The following MYH11 variants were observed in gnomAD, a reference collection of about 807,000 sequenced individuals.
MYH11 encodes myosin heavy chain 11.
Under a neutral mutation model 246.6 loss-of-function variants are expected in MYH11, and 80 were observed. That is an observed-to-expected ratio of 0.32 (90% CI 0.27 to 0.39). The LOEUF is 0.39. MYH11 is among the 10% of genes least tolerant of loss of function. The pLI, the probability that MYH11 is intolerant of heterozygous loss-of-function variation, is 1.00. For missense variants in MYH11, 2,158 were observed against 2,546.8 expected (o/e 0.85, Z 3.29); for synonymous variants, 1,071 against 1,015.5 (o/e 1.05, Z -1.04).
Position 15,724,565 on chromosome 16 carries a change from C to T in MYH11, c.4116+82G>A. The stretch of plus-strand genomic sequence containing the variant: ...GGTCAAGCACCATCGCACCAACACT[C>T]CACCGCGATCTGCCTGCGGGGGATC... On this transcript the variant is annotated intron_variant, in intron 30 of 40. Transcript: ENST00000300036. The T allele has an allele frequency of 2.5e-6, 4 of 1,609,688 alleles. No homozygotes were observed. The South Asian group carries it at 4.4e-5, about 18-fold the overall frequency.
intron 25 of MYH11, among the ~76,000 whole-genome samples, chr16:15,736,890 G>A (rs769893140): frequency 2.6e-5 from 4 of 152,144 alleles, no homozygotes; most frequent in Non-Finnish European, 5.9e-5. Context: ...GGCTGCTGCA[G>A]TATTAGCATT....
intron 27 of MYH11, among the ~76,000 whole-genome samples, chr16:15,730,118 C>T (rs1173816363): frequency 6.6e-6 from 1 of 152,074 alleles, no homozygotes; most frequent in East Asian, 1.9e-4. Context: ...ACATGCCTGC[C>T]TCCCCGTTGC....
rs1214855835 is a variant in MYH11 at position 15,741,920 on chromosome 16, GT to G, written c.2521-30del. 2.5e-6 allele frequency: 4 copies of G among 1,613,842 alleles called. No homozygotes were observed. In the East Asian group the frequency reaches 8.9e-5, roughly 36 times the overall value. On this transcript the variant is annotated intron_variant, in intron 20 of 40. Transcript: ENST00000300036. Reference sequence around the variant, plus strand: ...CACACACACGGTTAGCCCATCATTTGTTTTTGTGGCAAAGGGATATGTTGTC... The same window carrying G: ...CACACACACGGTTAGCCCATCATTTGTTTTGTGGCAAAGGGATATGTTGTC...
At chr16:15,764,120 C>T (rs1429931070) in intron 9 of MYH11, among the ~76,000 whole-genome samples, 1 of 152,170 alleles carries the variant, frequency 6.6e-6, no homozygotes, top group Non-Finnish European at 1.5e-5. Flanking sequence ...ATCTGGCCCA[C>T]TGCTTGCTAT....
chr16:15,757,496 C>T (rs1596789636), intron 13 of MYH11, among the ~76,000 whole-genome samples: 1 of 89,980 alleles, frequency 1.1e-5, no homozygotes, highest in South Asian at 4.6e-4. Flanking sequence ...GCAACAGAGT[C>T]AGACCATGTC....
chr16:15,763,961 T>G, intron 9 of MYH11, 70 bp from the exon 10 acceptor site: 1 of 1,258,082 alleles, frequency 7.9e-7, no homozygotes, highest in Non-Finnish European at 1.2e-6. Flanking sequence ...TTTTGGAGCC[T>G]AAAGCCACTG....
intron 2 of MYH11, among the ~76,000 whole-genome samples, chr16:15,828,239 T>G (rs1001541774): frequency 3.9e-5 from 6 of 152,232 alleles, no homozygotes; most frequent in African/African-American, 1.4e-4. Flanking sequence ...TGCTGCGAGA[T>G]AATGCTCGAA....
intron 10 of MYH11, among the ~76,000 whole-genome samples, chr16:15,762,537 G>T (rs984907096): frequency 2.0e-5 from 3 of 152,086 alleles, no homozygotes; most frequent in Non-Finnish European, 2.9e-5. Flanking sequence ...ACACCACCCA[G>T]ATCGAGAAAC....
At chr16:15,798,875 C>A (rs2042816512) in intron 3 of MYH11, among the ~76,000 whole-genome samples, 188 bp from the exon 4 acceptor site, 1 of 152,118 alleles carries the variant, frequency 6.6e-6, no homozygotes, top group African/African-American at 2.4e-5. Context: ...AAAAGGGCAG[C>A]CCCAAAGTCC....
intron 4 of MYH11, among the ~76,000 whole-genome samples, chr16:15,787,448 A>G (rs2042496825): frequency 6.7e-6 from 1 of 150,340 alleles, no homozygotes; most frequent in Non-Finnish European, 1.5e-5. Context: ...GTTTTCTTAC[A>G]TAGGTCCAAA....
intron 3 of MYH11, among the ~76,000 whole-genome samples, chr16:15,822,320 A>G (rs773295161): frequency 5.9e-5 from 9 of 152,108 alleles, no homozygotes; most frequent in Non-Finnish European, 8.8e-5. Flanking sequence ...TGTTTGCATT[A>G]ACTGCCTAGT....
intron 4 of MYH11, among the ~76,000 whole-genome samples, chr16:15,793,601 GTTTCTTTTCT>G (rs1567179391): frequency 7.0e-6 from 1 of 142,456 alleles, no homozygotes; most frequent in Non-Finnish European, 1.5e-5. Context: ...CCAATTTTCA[GTTTCTTTTCT>G]TTTCTTTTTT....
At position 15,745,835 on chromosome 16, in the gene MYH11, C is replaced by T. The variant is rs151307014; in HGVS notation, c.2412-598G>A. Reference sequence around the variant, plus strand: ...CTCCTGACCTCAGGTGATCCACCCACCTTGGCCTCCCAAAGTGCTGGGATT... The same window carrying T: ...CTCCTGACCTCAGGTGATCCACCCATCTTGGCCTCCCAAAGTGCTGGGATT... On this transcript the variant is annotated intron_variant, in intron 19 of 40. Transcript: ENST00000300036. Among the ~76,000 whole-genome samples, 91 of 152,224 alleles carry T rather than the reference C, an allele frequency of 6.0e-4. 1 individual carries two copies. The highest frequency in any genetic ancestry group is 2.1e-3 in the African/African-American group (86 of 41,548).
intron 35 of MYH11, 66 bp downstream of exon 35, chr16:15,719,517 CTG>C: frequency 6.2e-7 from 1 of 1,609,240 alleles, no homozygotes; most frequent in South Asian, 1.1e-5. Context: ...AATGCACAGA[CTG>C]GAGCTGCCAA....
chr16:15,718,243 GTTGACT>G, intron 37 of MYH11, 66 bp downstream of exon 37: 7 of 1,601,224 alleles, frequency 4.4e-6, no homozygotes, highest in Middle Eastern at 1.7e-4. Context: ...CCACGCGTGT[GTTGACT>G]GGTGCAGGAT....
At chr16:15,848,800 CTCACTTAG>C (rs1378985998) in intron 1 of MYH11, among the ~76,000 whole-genome samples, 1 of 152,160 alleles carries the variant, frequency 6.6e-6, no homozygotes, top group Non-Finnish European at 1.5e-5. Context: ...GAGAGCAGCT[CTCACTTAG>C]TCAAACTCAA....
At chr16:15,757,329 A>C (rs1054066147) in intron 13 of MYH11, among the ~76,000 whole-genome samples, 1 of 150,550 alleles carries the variant, frequency 6.6e-6, no homozygotes, top group Non-Finnish European at 1.5e-5. Context: ...GCTAATTAGT[A>C]GAAACCCTGT....
intron 17 of MYH11, 32 bp downstream of exon 17, chr16:15,748,015 C>T (rs1204482019): frequency 6.2e-7 from 1 of 1,614,230 alleles, no homozygotes; most frequent in Admixed American, 1.7e-5. Flanking sequence ...CGCTCACCCC[C>T]TGCCCTACCT....
chr16:15,740,444 C>A (rs1207601527), intron 22 of MYH11, among the ~76,000 whole-genome samples: 3 of 151,858 alleles, frequency 2.0e-5, no homozygotes, highest in Non-Finnish European at 4.4e-5. Flanking sequence ...CCCGTCTCTA[C>A]TAAAAATACA....
Sources: gnomAD v4.1 joint callset for allele counts (sites outside exome capture counted in the v4.1 genomes callset) on GRCh38, gnomAD v4.1.1 for gene constraint, MANE v1.5 for transcripts, NCBI Gene and HGNC (gene_info 2026-07-23, HGNC 2026-07-21) for gene names.